Variants in LTBP1 observed in about 807,000 individuals in gnomAD.
LTBP1 encodes the protein latent-transforming growth factor beta-binding protein 1.
In LTBP1, 129 loss-of-function variants were observed where a neutral mutation model predicts 207.6. That is an observed-to-expected ratio of 0.62 (90% CI 0.54 to 0.72). The LOEUF is 0.72. Among genes scored for constraint, LTBP1 ranks in the 30% least tolerant of loss-of-function variants. The pLI, the probability that LTBP1 is intolerant of heterozygous loss-of-function variation, is 0.00. For missense variants in LTBP1, 2,281 were observed against 2,217.2 expected, an observed-to-expected ratio of 1.03 and a Z score of -0.58; for synonymous variants, 963 against 833.7, an observed-to-expected ratio of 1.16 and a Z score of -2.67.
intron 2 of LTBP1, among the ~76,000 whole-genome samples, chr2:32,951,490 C>T (rs1677098360): frequency 6.6e-6 from 1 of 152,152 alleles, no homozygotes; most frequent in Non-Finnish European, 1.5e-5. Flanking sequence ...ACCACTGGGG[C>T]TCCTGCTGAT....
chr2:33,326,220 A>G (rs970865996), intron 24 of LTBP1, among the ~76,000 whole-genome samples: 5 of 152,220 alleles, frequency 3.3e-5, no homozygotes, highest in Non-Finnish European at 7.3e-5. Context: ...TTGAACAAAC[A>G]TCTGGCACAC....
intron 3 of LTBP1, among the ~76,000 whole-genome samples, chr2:33,098,081 T>G (rs2079495524): frequency 6.6e-6 from 1 of 152,158 alleles, no homozygotes; most frequent in Admixed American, 6.5e-5. Flanking sequence ...AGAGTATACT[T>G]CTCCCCCGAC....
intron 25 of LTBP1, among the ~76,000 whole-genome samples, chr2:33,344,631 C>T (rs1163193838): frequency 6.6e-6 from 1 of 152,180 alleles, no homozygotes; most frequent in African/African-American, 2.4e-5. Flanking sequence ...TGAGCTGTGA[C>T]CTCTGCTTCC....
At chr2:33,108,702 C>A (rs943694852) in intron 3 of LTBP1, among the ~76,000 whole-genome samples, 1 of 152,140 alleles carries the variant, frequency 6.6e-6, no homozygotes, top group African/African-American at 2.4e-5. Context: ...CTGTACATCT[C>A]TCAGCGGGTC....
chr2:33,098,282 A>G (rs1417739623), intron 3 of LTBP1, among the ~76,000 whole-genome samples: 3 of 151,898 alleles, frequency 2.0e-5, no homozygotes, highest in Admixed American at 6.6e-5. Context: ...CCATTTTCCT[A>G]TTGGGCTTTG....
At chr2:33,050,959 G>A (rs1421569857) in intron 3 of LTBP1, among the ~76,000 whole-genome samples, 1 of 152,046 alleles carries the variant, frequency 6.6e-6, no homozygotes, top group Non-Finnish European at 1.5e-5. Flanking sequence ...TCCTGACCTT[G>A]TGATCCACCC....
chr2:33,157,666 A>G (rs183280003), intron 5 of LTBP1, among the ~76,000 whole-genome samples: 1 of 152,332 alleles, frequency 6.6e-6, no homozygotes, highest in East Asian at 1.9e-4. Context: ...TTGGCCATCT[A>G]TAGGATGATG....
intron 7 of LTBP1, among the ~76,000 whole-genome samples, chr2:33,207,120 A>G (rs1186304450): frequency 6.6e-6 from 1 of 152,210 alleles, no homozygotes; most frequent in Non-Finnish European, 1.5e-5. Context: ...GTAGAGGTGG[A>G]GAAAATAGGC....
At chr2:33,175,479 G>A (rs1182494001) in intron 5 of LTBP1, among the ~76,000 whole-genome samples, 4 of 152,074 alleles carry the variant, frequency 2.6e-5, no homozygotes, top group Non-Finnish European at 4.4e-5. Context: ...AGTTAGAATG[G>A]CAATCATTAA....
chr2:33,086,378 ATCAGAGG>A (rs2078755959), intron 3 of LTBP1, among the ~76,000 whole-genome samples: 1 of 152,222 alleles, frequency 6.6e-6, no homozygotes, highest in African/African-American at 2.4e-5. Context: ...GGGGTCCTTC[ATCAGAGG>A]TCAGCGTAGC....
intron 12 of LTBP1, among the ~76,000 whole-genome samples, chr2:33,259,132 A>T (rs1345266741): frequency 6.6e-6 from 1 of 152,230 alleles, no homozygotes; most frequent in Non-Finnish European, 1.5e-5. Flanking sequence ...ACATGCTGTC[A>T]TGTCTCTTAC....
intron 3 of LTBP1, among the ~76,000 whole-genome samples, chr2:33,028,394 G>A (rs1314913040): frequency 1.3e-5 from 2 of 152,308 alleles, no homozygotes; most frequent in Non-Finnish European, 2.9e-5. Context: ...GAGAGGCCTA[G>A]CGTGGTGGCT....
intron 19 of LTBP1, among the ~76,000 whole-genome samples, chr2:33,280,845 G>A (rs2093546515): frequency 6.6e-6 from 1 of 152,180 alleles, no homozygotes; most frequent in Non-Finnish European, 1.5e-5. Context: ...GAGGCACGAG[G>A]ATCACTTGAG....
chr2:33,293,368 T>C (rs1467987470), intron 20 of LTBP1, 86 bp downstream of exon 20: 6 of 1,341,734 alleles, frequency 4.5e-6, no homozygotes, highest in Non-Finnish European at 6.0e-6. Context: ...AAGGGAACCC[T>C]GCTACCTGTG....
chr2:32,956,472 A>G (rs1678091810), intron 2 of LTBP1, among the ~76,000 whole-genome samples: 1 of 152,232 alleles, frequency 6.6e-6, no homozygotes, highest in Non-Finnish European at 1.5e-5. Context: ...CATAAGAAGC[A>G]GCTCCTCATC....
intron 31 of LTBP1, among the ~76,000 whole-genome samples, chr2:33,383,407 C>CA (rs1236598899): frequency 1.3e-5 from 2 of 152,300 alleles, no homozygotes; most frequent in Admixed American, 1.3e-4. Context: ...CTGGAGGAGA[C>CA]AGTCATTTCA....
At chr2:33,315,583 C>T (rs1422754779) in intron 24 of LTBP1, among the ~76,000 whole-genome samples, 1 of 152,200 alleles carries the variant, frequency 6.6e-6, no homozygotes. Context: ...GGCAACTTCC[C>T]TTTCCCCTGG....
chr2:33,211,116 A>G (rs1431325680), intron 7 of LTBP1, among the ~76,000 whole-genome samples: 8 of 152,158 alleles, frequency 5.3e-5, no homozygotes, highest in Non-Finnish European at 1.2e-4. Flanking sequence ...AAGACAATTA[A>G]TAAGAGTATT....
chr2:33,039,879 G>T (rs985981221), intron 3 of LTBP1, among the ~76,000 whole-genome samples: 2 of 152,136 alleles, frequency 1.3e-5, no homozygotes, highest in Non-Finnish European at 2.9e-5. Flanking sequence ...GGTTGCTTAC[G>T]GTTGAGGTTT....
Sources: gnomAD v4.1 joint callset for allele counts (sites outside exome capture counted in the v4.1 genomes callset) on GRCh38, gnomAD v4.1.1 for gene constraint, MANE v1.5 for transcripts, NCBI Gene and HGNC (gene_info 2026-07-23, HGNC 2026-07-21) for gene names.